The following XRCC1 variants were observed in gnomAD, a reference collection of about 807,000 sequenced individuals.
XRCC1 encodes DNA repair protein XRCC1.
Under a neutral mutation model 83.3 loss-of-function variants are expected in XRCC1, and 52 were observed. The ratio of observed to expected loss-of-function variants is 0.62; its 90% CI spans 0.50 to 0.79. XRCC1 has a LOEUF of 0.79. Among genes scored for constraint, XRCC1 ranks in the 30% least tolerant of loss-of-function variants. The pLI is 0.00. For missense variants in XRCC1, 793 were observed against 823.5 expected (o/e 0.96, Z 0.45); for synonymous variants, 281 against 312.6 (o/e 0.90, Z 1.07).
At chr19:43,562,870 C>A (rs1366285976) in intron 2 of XRCC1, among the ~76,000 whole-genome samples, 1 of 152,228 alleles carries the variant, frequency 6.6e-6, no homozygotes, top group South Asian at 2.1e-4. Flanking sequence ...GCTAATAATA[C>A]ATGTATCTAC....
At position 43,574,637 on chromosome 19, in the gene XRCC1, C is replaced by T. The variant is rs895136591; in HGVS notation, c.144+273G>A. 3.7e-5 allele frequency: 16 copies of T among 429,520 alleles called. No homozygotes were observed. The East Asian group carries it at 6.6e-4, about 18-fold the overall frequency. The allele number at this position is 429,520 out of a possible 1,614,324, so 26.6% of individuals were successfully genotyped here. A position where few individuals can be genotyped will look rare whatever the true frequency, so the allele number is the denominator to read the frequency against. ...GGAGGCAGAGTACGTGGCAATGATT[C>T]ATTTTGTTCCAGCTGAGGAAACTGG... On this transcript the variant is annotated intron_variant, in intron 2 of 16. Transcript: ENST00000262887.
At position 43,552,981 on chromosome 19, in the gene XRCC1, C is replaced by T; in HGVS notation, c.711+1G>A. 1 of 1,605,030 alleles carries T rather than the reference C, an allele frequency of 6.2e-7. No homozygotes were observed. The highest frequency in any genetic ancestry group is 2.2e-5 in the East Asian group (1 of 44,714). ...ACCCCACCAAAGTCTGATGATTTCA[C>T]CTTGGAGGTGCTGCCTATGGCCCTG... On this transcript the variant is annotated splice_donor_variant, in intron 7 of 16. Coordinates refer to ENST00000262887, the MANE Select transcript of XRCC1 (RefSeq NM_006297.3). LOFTEE classifies it high-confidence loss of function.
At chr19:43,573,083 C>T (rs1972820304) in intron 2 of XRCC1, among the ~76,000 whole-genome samples, 1 of 151,910 alleles carries the variant, frequency 6.6e-6, no homozygotes, top group Non-Finnish European at 1.5e-5. Context: ...CAGGCATACG[C>T]CACCAAGCCC....
intron 3 of XRCC1, chr19:43,555,577 CT>C (rs1432409581): frequency 6.6e-6 from 1 of 152,172 alleles, no homozygotes; most frequent in Non-Finnish European, 1.5e-5. Flanking sequence ...GGAGGAAGCC[CT>C]CCTCAAACGA....
chr19:43,574,173 T>C (rs1316552227), intron 2 of XRCC1, among the ~76,000 whole-genome samples: 1 of 151,934 alleles, frequency 6.6e-6, no homozygotes, highest in Non-Finnish European at 1.5e-5. Flanking sequence ...TCTCCTGGGC[T>C]CAAGCAATTC....
At chr19:43,551,764 C>CAGAG (rs55974714) in intron 9 of XRCC1, 77 bp from the exon 10 acceptor site, 115 of 1,046,000 alleles carry the variant, frequency 1.1e-4, no homozygotes, top group Non-Finnish European at 1.5e-4. Context: ...GGGAGACAGA[C>CAGAG]AGAGAGAGAG....
rs891719147 is a variant in XRCC1, at chr19:43,547,019, A to T, written c.1200-42T>A. 3.1e-6 allele frequency: 5 copies of T among 1,597,528 alleles called. No homozygotes were observed. In the African/African-American group the frequency reaches 5.4e-5, roughly 17 times the overall value. On this transcript the variant is annotated intron_variant, in intron 10 of 16. Transcript: ENST00000262887. ...GCCTCAGACAAACAGGCCCAAGGGAAGTGGGGAGGGCGTTCAGGAGGCAAC... is the reference window on the plus strand; with the variant it reads ...GCCTCAGACAAACAGGCCCAAGGGATGTGGGGAGGGCGTTCAGGAGGCAAC...
intron 10 of XRCC1, 86 bp from the exon 11 acceptor site, chr19:43,547,063 A>T: frequency 7.7e-7 from 1 of 1,293,446 alleles, no homozygotes; most frequent in Non-Finnish European, 1.1e-6. Flanking sequence ...GCATTTACTA[A>T]AATACTCACT....
At chr19:43,568,389 A>G (rs1972774502) in intron 2 of XRCC1, among the ~76,000 whole-genome samples, 1 of 151,886 alleles carries the variant, frequency 6.6e-6, no homozygotes, top group Non-Finnish European at 1.5e-5. Flanking sequence ...CCCAGCTACT[A>G]GGGAGATTGA....
chr19:43,567,323 T>A (rs1972763735), intron 2 of XRCC1, among the ~76,000 whole-genome samples: 1 of 151,928 alleles, frequency 6.6e-6, no homozygotes. Flanking sequence ...TTATTTATGT[T>A]TTTTGTTGAG....
chr19:43,573,561 C>T lies in XRCC1; in HGVS notation c.144+1349G>A, dbSNP rs1278390998. Among the ~76,000 whole-genome samples, 3 of 152,244 alleles carry T rather than the reference C, an allele frequency of 2.0e-5. No individual in the cohort carries two copies. In the East Asian group the frequency reaches 5.8e-4, roughly 29 times the overall value. On this transcript the variant is annotated intron_variant, in intron 2 of 16. Coordinates refer to ENST00000262887, the MANE Select transcript of XRCC1 (RefSeq NM_006297.3). The stretch of plus-strand genomic sequence containing the variant: ...ACCCTAGCACTATCCACAGAGTGTT[C>T]TGCTCCTTATAGTCATAAAGCAGCC...
intron 2 of XRCC1, among the ~76,000 whole-genome samples, chr19:43,569,867 TAAG>T (rs543695336): frequency 9.2e-4 from 140 of 152,178 alleles, no homozygotes; most frequent in African/African-American, 3.3e-3. Context: ...GGAAGCCAGA[TAAG>T]AAAAGTTTAT....
intron 9 of XRCC1, 51 bp from the exon 10 acceptor site, chr19:43,551,738 A>C (rs750736129): frequency 3.6e-6 from 5 of 1,394,126 alleles, no homozygotes; most frequent in Non-Finnish European, 5.1e-6. Flanking sequence ...CTGAGGGGCA[A>C]AGGGGAACGA....
rs749106716 is a variant in XRCC1 at position 43,543,530 on chromosome 19, C to T, written c.1789-25G>A. 171 of 1,613,292 alleles carry T rather than the reference C, an allele frequency of 1.1e-4. 3 individuals carry two copies. In the South Asian group the frequency reaches 1.1e-3, roughly 10 times the overall value. Reference sequence around the variant, plus strand: ...CCTGCAGGGTGGGGTGGAGTCCATACGGGAATGTGTCATCGAGGGGAGGAC... The same window carrying T: ...CCTGCAGGGTGGGGTGGAGTCCATATGGGAATGTGTCATCGAGGGGAGGAC... On this transcript the variant is annotated intron_variant, in intron 16 of 16. Coordinates refer to ENST00000262887, the MANE Select transcript of XRCC1 (RefSeq NM_006297.3).
chr19:43,544,595 C>A (rs961265912), intron 14 of XRCC1, among the ~76,000 whole-genome samples: 1 of 152,008 alleles, frequency 6.6e-6, no homozygotes. Context: ...CAACCTCTGC[C>A]TCCTGGGCTC....
At chr19:43,563,312 C>A (rs1308971445) in intron 2 of XRCC1, among the ~76,000 whole-genome samples, 2 of 152,180 alleles carry the variant, frequency 1.3e-5, no homozygotes, top group Non-Finnish European at 2.9e-5. Context: ...CATGGTGAAA[C>A]CCTGTCTCTA....
At chr19:43,544,706 G>A (rs1039866732) in intron 14 of XRCC1, among the ~76,000 whole-genome samples, 26 of 152,212 alleles carry the variant, frequency 1.7e-4, no homozygotes, top group Admixed American at 1.6e-3. Flanking sequence ...ACGGGGTATT[G>A]ACATGTTGCT....
chr19:43,549,879 G>GT (rs765987716), intron 10 of XRCC1, among the ~76,000 whole-genome samples: 50 of 152,208 alleles, frequency 3.3e-4, no homozygotes, highest in Non-Finnish European at 6.3e-4. Context: ...ATCCAACACT[G>GT]TTTGTCTTTT....
intron 2 of XRCC1, among the ~76,000 whole-genome samples, chr19:43,567,743 G>T (rs906933692): frequency 6.6e-6 from 1 of 152,130 alleles, no homozygotes; most frequent in African/African-American, 2.4e-5. Context: ...GCCTGGGTTC[G>T]TGTGCATGCA....
Sources: gnomAD v4.1 joint callset for allele counts (sites outside exome capture counted in the v4.1 genomes callset) on GRCh38, gnomAD v4.1.1 for gene constraint, MANE v1.5 for transcripts, NCBI Gene and HGNC (gene_info 2026-07-23, HGNC 2026-07-21) for gene names.